Variants in BACE2 observed in about 807,000 individuals in gnomAD.
BACE2 encodes the protein 56 kDa aspartic-like protease.
BACE2 carries 17 observed loss-of-function variants against 46.2 expected under a neutral mutation model. The observed-to-expected ratio is 0.37, with a 90% confidence interval of 0.25 to 0.55. BACE2 has a LOEUF of 0.55. Ranked by LOEUF, BACE2 falls within the 20% of genes least tolerant of loss-of-function variation. The probability of loss-of-function intolerance (pLI) is 0.82; values close to 1 mark genes in which losing one functional copy is unlikely to be tolerated. For synonymous variants in BACE2, 277 were observed against 295.9 expected, an observed-to-expected ratio of 0.94 and a Z score of 0.66; for missense variants, 595 against 698.1, an observed-to-expected ratio of 0.85 and a Z score of 1.66.
intron 8 of BACE2, among the ~76,000 whole-genome samples, chr21:41,272,598 C>T (rs1380396649): frequency 1.3e-5 from 2 of 151,762 alleles, no homozygotes; most frequent in Admixed American, 1.3e-4. Flanking sequence ...GTATATTTTT[C>T]ATCTCACATA....
intron 7 of BACE2, among the ~76,000 whole-genome samples, chr21:41,255,001 T>G (rs1987740867): frequency 6.6e-6 from 1 of 152,188 alleles, no homozygotes; most frequent in Non-Finnish European, 1.5e-5. Context: ...AGGGAGTGAT[T>G]TGATTCCGCT....
At chr21:41,226,998 C>T (rs1238602658) in intron 2 of BACE2, among the ~76,000 whole-genome samples, 1 of 152,184 alleles carries the variant, frequency 6.6e-6, no homozygotes, top group African/African-American at 2.4e-5. Context: ...CAAGCCTTGC[C>T]CATGCAGGCT....
At chr21:41,174,467 C>G (rs1306253255) in intron 1 of BACE2, among the ~76,000 whole-genome samples, 1 of 152,000 alleles carries the variant, frequency 6.6e-6, no homozygotes, top group Admixed American at 6.6e-5. Flanking sequence ...GGTGGTGGTA[C>G]GTAGCTGCAT....
chr21:41,238,150 T>C (rs999067198), intron 3 of BACE2, among the ~76,000 whole-genome samples: 3 of 152,228 alleles, frequency 2.0e-5, no homozygotes, highest in African/African-American at 7.2e-5. Context: ...TCCGCCAGGC[T>C]GGGACGTGGC....
chr21:41,252,493 C>T (rs190305032), intron 7 of BACE2: 1 of 152,364 alleles, frequency 6.6e-6, no homozygotes, highest in East Asian at 1.9e-4. Context: ...ATTTTCTGGT[C>T]TGCTCATCTG....
chr21:41,197,523 T>C (rs1200089818), intron 1 of BACE2, among the ~76,000 whole-genome samples: 1 of 152,182 alleles, frequency 6.6e-6, no homozygotes, highest in East Asian at 1.9e-4. Flanking sequence ...TAGCTGTACA[T>C]GTTTACATCA....
At chr21:41,174,821 G>T (rs1169141924) in intron 1 of BACE2, among the ~76,000 whole-genome samples, 2 of 152,094 alleles carry the variant, frequency 1.3e-5, no homozygotes, top group African/African-American at 4.8e-5. Flanking sequence ...CCCTCCTCTG[G>T]GTCACCCTGT....
At chr21:41,221,592 G>T (rs572990360) in intron 1 of BACE2, among the ~76,000 whole-genome samples, 4 of 152,120 alleles carry the variant, frequency 2.6e-5, no homozygotes, top group Non-Finnish European at 5.9e-5. Flanking sequence ...TTGGGAGGCC[G>T]CAGAGGGTGG....
chr21:41,209,056 C>T (rs866010900), intron 1 of BACE2, among the ~76,000 whole-genome samples: 9 of 152,320 alleles, frequency 5.9e-5, no homozygotes, highest in Middle Eastern at 3.4e-3. Context: ...AACGTTCTGT[C>T]GTGCGGTTAT....
chr21:41,275,260 C>T, intron 8 of BACE2, 111 bp from the exon 9 acceptor site: 10 of 1,480,370 alleles, frequency 6.8e-6, no homozygotes, highest in Non-Finnish European at 9.2e-6. Context: ...CCACTGGGAC[C>T]TCAGTGGACT....
Position 41,171,235 on chromosome 21 carries a change from G to A in BACE2, c.312+2660G>A, listed in dbSNP as rs141308890. On this transcript the variant is annotated intron_variant, in intron 1 of 8. Coordinates refer to ENST00000330333, the MANE Select transcript of BACE2 (RefSeq NM_012105.5). ...GTTCCCCCATCTCCTCTTTCCTTCAGCACTGCTGAATGAGCAACAGAATGA... is the reference window on the plus strand; with the variant it reads ...GTTCCCCCATCTCCTCTTTCCTTCAACACTGCTGAATGAGCAACAGAATGA... Among the ~76,000 whole-genome samples, 432 of 152,332 alleles carry A rather than the reference G, an allele frequency of 2.8e-3. 4 individuals carry two copies. Among genetic ancestry groups the A allele is most frequent in the African/African-American group, 0.01 (420 of 41,566 alleles).
At chr21:41,223,563 C>T (rs1406636869) in intron 1 of BACE2, among the ~76,000 whole-genome samples, 2 of 152,170 alleles carry the variant, frequency 1.3e-5, no homozygotes, top group African/African-American at 2.4e-5. Flanking sequence ...TGGCACCCCC[C>T]GTGTGTCTGC....
chr21:41,179,596 T>G (rs1568857092), intron 1 of BACE2: 2 of 1,350,162 alleles, frequency 1.5e-6, no homozygotes, highest in Non-Finnish European at 9.9e-7. Flanking sequence ...TGAGGAGGTG[T>G]TTGCAGTGCT....
chr21:41,187,852 A>G (rs1458011508), intron 1 of BACE2, among the ~76,000 whole-genome samples: 3 of 152,234 alleles, frequency 2.0e-5, no homozygotes, highest in Non-Finnish European at 4.4e-5. Context: ...CAAAGTTGCA[A>G]GCAAGTGTTA....
intron 7 of BACE2, among the ~76,000 whole-genome samples, chr21:41,254,011 G>T (rs559785294): frequency 6.6e-6 from 1 of 152,214 alleles, no homozygotes; most frequent in South Asian, 2.1e-4. Flanking sequence ...GAAAGGCTCT[G>T]CCCAGCAGCC....
chr21:41,268,311 G>A (rs1288333398), intron 8 of BACE2, among the ~76,000 whole-genome samples: 2 of 152,186 alleles, frequency 1.3e-5, no homozygotes, highest in African/African-American at 4.8e-5. Flanking sequence ...CTGGCCCCAG[G>A]TTCATGCTCT....
At chr21:41,239,625 A>C (rs1272060456) in intron 3 of BACE2, among the ~76,000 whole-genome samples, 1 of 152,158 alleles carries the variant, frequency 6.6e-6, no homozygotes, top group Admixed American at 6.5e-5. Flanking sequence ...TGATCCATTC[A>C]CATCAGCCTC....
intron 2 of BACE2, among the ~76,000 whole-genome samples, chr21:41,227,927 A>G (rs551899251): frequency 1.3e-5 from 2 of 152,122 alleles, no homozygotes; most frequent in East Asian, 1.9e-4. Flanking sequence ...CTCACCTCCA[A>G]CTGTTCACTC....
At chr21:41,206,135 T>C (rs1420898502) in intron 1 of BACE2, among the ~76,000 whole-genome samples, 2 of 152,224 alleles carry the variant, frequency 1.3e-5, no homozygotes. Context: ...TTATAAATAA[T>C]GTCAATGTAT....
Sources: allele counts gnomAD v4.1 joint callset (sites outside exome capture counted in the v4.1 genomes callset), GRCh38; gene constraint gnomAD v4.1.1; transcripts MANE v1.5; gene names NCBI Gene and HGNC (gene_info 2026-07-23, HGNC 2026-07-21).